Variants in RARB observed in about 807,000 individuals in gnomAD.
RARB encodes the protein HBV-activated protein.
A neutral mutation model predicts 51.9 loss-of-function variants in RARB; 17 were observed. That is an observed-to-expected ratio of 0.33 (90% CI 0.22 to 0.49). The LOEUF (loss-of-function observed/expected upper bound fraction) is 0.49. Ranked by LOEUF, RARB falls within the 20% of genes least tolerant of loss-of-function variation. RARB has a pLI of 0.99. For missense variants in RARB, 369 were observed against 550.8 expected, an observed-to-expected ratio of 0.67 and a Z score of 3.30; for synonymous variants, 215 against 195.4, an observed-to-expected ratio of 1.10 and a Z score of -0.84.
At position 25,000,979 on chromosome 3, in the gene RARB, T is replaced by C. The variant is rs554289579; in HGVS notation, c.-379-59146T>C. The stretch of plus-strand genomic sequence containing the variant: ...GACAAAATTATGGTTGATTTTTGAA[T>C]TGAGCAGAATTTGAAAGAGAGGCCC... On this transcript the variant is annotated intron_variant, in intron 2 of 11. Transcript: ENST00000383772. Among the ~76,000 whole-genome samples, 6 of 152,222 alleles carry C rather than the reference T, an allele frequency of 3.9e-5. No homozygotes were observed. In the South Asian group the frequency reaches 1.0e-3, roughly 26 times the overall value.
At chr3:25,308,353 C>T (rs1267328659) in intron 5 of RARB, among the ~76,000 whole-genome samples, 1 of 152,112 alleles carries the variant, frequency 6.6e-6, no homozygotes, top group African/African-American at 2.4e-5. Context: ...CTATGCTTTG[C>T]AGCCATACAG....
chr3:24,930,500 G>A (rs796399065), intron 2 of RARB, among the ~76,000 whole-genome samples: 5 of 152,138 alleles, frequency 3.3e-5, no homozygotes, highest in South Asian at 4.1e-4. Context: ...ATCTTGCTTG[G>A]TTGTAAATTC....
intron 2 of RARB, among the ~76,000 whole-genome samples, chr3:24,952,351 T>G (rs1323946653): frequency 6.6e-6 from 1 of 152,196 alleles, no homozygotes; most frequent in Non-Finnish European, 1.5e-5. Context: ...CCAACTTTTA[T>G]ACCACCCACC....
intron 4 of RARB, among the ~76,000 whole-genome samples, chr3:25,146,198 C>T (rs926810467): frequency 6.6e-6 from 1 of 152,068 alleles, no homozygotes; most frequent in Non-Finnish European, 1.5e-5. Flanking sequence ...AGACAAGGCA[C>T]CCATGTCTTA....
At position 25,428,622 on chromosome 3, in the gene RARB, C is replaced by T. The variant is rs1708075937; in HGVS notation, c.-110C>T. 2.1e-6 allele frequency: 3 copies of T among 1,442,954 alleles called. 1 individual carries two copies. Among genetic ancestry groups the T allele is most frequent in the East Asian group, 4.8e-5 (2 of 41,654 alleles). 89.4% of individuals were successfully genotyped at this position (1,442,954 alleles called of 1,614,324 possible). A position where few individuals can be genotyped will look rare whatever the true frequency, so the allele number is the denominator to read the frequency against. Reference sequence around the variant, plus strand: ...GGCTGGGAAAAAGACCAACAGCCTACGTGCCAAAAAAGGGGCAGAGTTTGA... The same window carrying T: ...GGCTGGGAAAAAGACCAACAGCCTATGTGCCAAAAAAGGGGCAGAGTTTGA... On this transcript the variant is annotated 5_prime_UTR_variant, in exon 1 of 8. In the 5' UTR this introduces an upstream ATG that the reference lacks. Transcript: ENST00000330688.
chr3:25,150,949 G>A (rs1213248524), intron 4 of RARB, among the ~76,000 whole-genome samples: 1 of 152,210 alleles, frequency 6.6e-6, no homozygotes, highest in East Asian at 1.9e-4. Flanking sequence ...GGCAGTTTAT[G>A]TGATATACGT....
At chr3:25,008,811 T>C (rs1451195634) in intron 2 of RARB, among the ~76,000 whole-genome samples, 3 of 152,126 alleles carry the variant, frequency 2.0e-5, no homozygotes, top group Non-Finnish European at 4.4e-5. Context: ...AATATGGACA[T>C]TCCCAATATA....
chr3:25,516,820 T>C (rs920124689), intron 3 of RARB, among the ~76,000 whole-genome samples: 1 of 152,120 alleles, frequency 6.6e-6, no homozygotes, highest in Admixed American at 6.5e-5. Context: ...AGAAATAGGG[T>C]TTTGCCATGT....
intron 3 of RARB, among the ~76,000 whole-genome samples, chr3:25,569,129 A>G (rs1434600797): frequency 2.0e-5 from 3 of 152,260 alleles, no homozygotes; most frequent in Non-Finnish European, 2.9e-5. Flanking sequence ...TTCCAGGCTG[A>G]AGATTTCATA....
intron 2 of RARB, among the ~76,000 whole-genome samples, chr3:24,861,896 T>A (rs1406242650): frequency 6.6e-6 from 1 of 152,212 alleles, no homozygotes; most frequent in Non-Finnish European, 1.5e-5. Context: ...GGATCACAGT[T>A]TAAGAACCAC....
At chr3:25,337,120 A>G (rs1049642906) in intron 5 of RARB, among the ~76,000 whole-genome samples, 2 of 152,192 alleles carry the variant, frequency 1.3e-5, no homozygotes, top group African/African-American at 2.4e-5. Context: ...GAGGCCATGT[A>G]CTAAATTAGA....
intron 5 of RARB, among the ~76,000 whole-genome samples, chr3:25,365,151 C>G (rs770443261): frequency 6.7e-6 from 1 of 149,972 alleles, no homozygotes; most frequent in Non-Finnish European, 1.5e-5. Context: ...CCAGAATGTC[C>G]TGTGTACCAT....
intron 1 of RARB, among the ~76,000 whole-genome samples, chr3:24,841,159 T>G (rs1425759452): frequency 1.3e-5 from 2 of 152,366 alleles, no homozygotes; most frequent in East Asian, 3.9e-4. Context: ...CCCATTTTCT[T>G]TCTTGAACTT....
At chr3:25,194,658 T>C (rs1445788271) in intron 5 of RARB, among the ~76,000 whole-genome samples, 1 of 151,556 alleles carries the variant, frequency 6.6e-6, no homozygotes, top group Non-Finnish European at 1.5e-5. Flanking sequence ...TTTTTTTTAA[T>C]TTAAGTCTCC....
chr3:25,059,175 A>G (rs1575140734), intron 2 of RARB, among the ~76,000 whole-genome samples: 1 of 151,832 alleles, frequency 6.6e-6, no homozygotes, highest in African/African-American at 2.4e-5. Context: ...TAGTGGCTGC[A>G]TAGTATTTAA....
chr3:24,907,499 T>A (rs4858132), intron 2 of RARB, among the ~76,000 whole-genome samples: 6 of 152,062 alleles, frequency 3.9e-5, no homozygotes, highest in African/African-American at 1.4e-4. Context: ...TATTATTAAA[T>A]GTGGTTAAAT....
intron 2 of RARB, among the ~76,000 whole-genome samples, chr3:25,052,094 G>T (rs1016921863): frequency 2.6e-5 from 4 of 152,140 alleles, no homozygotes; most frequent in Admixed American, 2.0e-4. Context: ...AATGGGAAAA[G>T]GTCCTCATAC....
chr3:24,883,350 C>T (rs1260926963), intron 2 of RARB, among the ~76,000 whole-genome samples: 1 of 102,744 alleles, frequency 9.7e-6, no homozygotes. Flanking sequence ...AGACTTTCAA[C>T]AATCATTGTG....
chr3:25,322,300 T>G (rs1471716046), intron 5 of RARB, among the ~76,000 whole-genome samples: 2 of 152,128 alleles, frequency 1.3e-5, no homozygotes, highest in Non-Finnish European at 2.9e-5. Flanking sequence ...GTGATTGTGA[T>G]GAAGAAAAAG....
Sources: gnomAD v4.1 joint callset for allele counts (sites outside exome capture counted in the v4.1 genomes callset) on GRCh38, gnomAD v4.1.1 for gene constraint, MANE v1.5 for transcripts, NCBI Gene and HGNC (gene_info 2026-07-23, HGNC 2026-07-21) for gene names.